Variants in LRRC9 observed in about 807,000 individuals in gnomAD.
The protein encoded by LRRC9 is leucine rich repeat containing 9.
LRRC9 carries 122 observed loss-of-function variants against 63.2 expected under a neutral mutation model. The ratio of observed to expected loss-of-function variants is 1.93; its 90% CI spans 1.67 to 2.24. The LOEUF (loss-of-function observed/expected upper bound fraction) is 2.24. LRRC9 is among the 30% of genes most tolerant of loss of function. LRRC9 has a pLI of 0.00. For missense variants in LRRC9, 1,071 were observed against 627.7 expected (o/e 1.71, Z -7.55); for synonymous variants, 366 against 213.1 (o/e 1.72, Z -6.25).
rs922914721 is a variant in LRRC9 at position 60,051,889 on chromosome 14, G to GAT, written c.3991-1174_3991-1173dup. ...GGGAGAAGCGTGGTTTCCTGGGCAC[G>GAT]ATAGCACACTCACCGCTTCCCTTGG... On this transcript the variant is annotated intron_variant, in intron 29 of 31. Coordinates refer to ENST00000445360, the Ensembl canonical transcript of LRRC9. The surrounding 1 kb of genome is among the most constrained non-coding windows in gnomAD (Gnocchi z 4.7). 2.6e-5 allele frequency among the ~76,000 whole-genome samples: 4 copies of GAT among 152,120 alleles called. No homozygotes were observed. The highest frequency in any genetic ancestry group is 9.7e-5 in the African/African-American group (4 of 41,422).
At chr14:59,954,643 C>T (rs776935257) in intron 8 of LRRC9, among the ~76,000 whole-genome samples, 7 of 152,152 alleles carry the variant, frequency 4.6e-5, no homozygotes, top group Non-Finnish European at 7.3e-5. Flanking sequence ...TATTTGAATA[C>T]ACTTTATTTT....
At chr14:59,928,969 C>T (rs970367365) in intron 3 of LRRC9, among the ~76,000 whole-genome samples, 1 of 151,996 alleles carries the variant, frequency 6.6e-6, no homozygotes, top group African/African-American at 2.4e-5. Flanking sequence ...TATAAAAACC[C>T]TGGAACACCA....
chr14:60,037,540 G>C (rs1379963715), intron 29 of LRRC9, among the ~76,000 whole-genome samples: 1 of 152,154 alleles, frequency 6.6e-6, no homozygotes, highest in African/African-American at 2.4e-5. Flanking sequence ...TTTTTCATGT[G>C]TCTGTTGGCT....
At chr14:59,943,097 A>G (rs77971643) in intron 7 of LRRC9, among the ~76,000 whole-genome samples, 2,171 of 151,488 alleles carry the variant, frequency 0.014, 54 homozygotes, top group East Asian at 0.059. Flanking sequence ...GTTTGCAAAT[A>G]TTTTCTCCCT....
chr14:59,980,582 G>A (rs1282048591), intron 15 of LRRC9, among the ~76,000 whole-genome samples: 1 of 152,108 alleles, frequency 6.6e-6, no homozygotes, highest in African/African-American at 2.4e-5. Context: ...TTAATTTGGT[G>A]TGAACTGACT....
Position 59,958,567 on chromosome 14 carries a change from G to C in LRRC9, c.883-1251G>C, listed in dbSNP as rs916270778. Among the ~76,000 whole-genome samples the C allele has an allele frequency of 6.6e-5, 10 of 152,224 alleles. No homozygotes were observed. The highest frequency in any genetic ancestry group is 2.4e-4 in the African/African-American group (10 of 41,462). ...GGTTCTTAGCTTGCTGGGCTCTGTG[G>C]GAGTGGGACCCGCTGAGCAAGACCA... On this transcript the variant is annotated intron_variant, in intron 8 of 31. Coordinates refer to ENST00000445360, the Ensembl canonical transcript of LRRC9. This position sits in a 1 kb window ranked among gnomAD's most constrained non-coding sequence, Gnocchi z 4.0.
In LRRC9 at chr14:60,032,078, A is replaced by C. The variant is rs1352005045; in HGVS notation, c.3990+15A>C. 1 of 677,874 alleles carries C rather than the reference A, an allele frequency of 1.5e-6. No individual in the cohort carries two copies. The highest frequency in any genetic ancestry group is 2.4e-4 in the Middle Eastern group (1 of 4,208). 42.0% of individuals were successfully genotyped at this position (677,874 alleles called of 1,614,324 possible). A position where few individuals can be genotyped will look rare whatever the true frequency, so the allele number is the denominator to read the frequency against. ...ATGGCAATCCAGTGAGTATGTTACC[A>C]TTCTAATTTATTAGTTAATTTACTG... On this transcript the variant is annotated intron_variant, in intron 29 of 31. Coordinates refer to ENST00000445360, the Ensembl canonical transcript of LRRC9.
rs1887958785 is a variant in LRRC9 at position 59,990,412 on chromosome 14, T to G, written c.2211+5188T>G. The stretch of plus-strand genomic sequence containing the variant: ...CAGACCTTTCTTTTTTCTTTTTCTT[T>G]TTTCATTTTTAGACAGGGTCTCACT... On this transcript the variant is annotated intron_variant, in intron 17 of 31. Transcript: ENST00000445360. The surrounding 1 kb of genome is among the most constrained non-coding windows in gnomAD (Gnocchi z 4.2). Among the ~76,000 whole-genome samples, 1 of 152,136 alleles carries G rather than the reference T, an allele frequency of 6.6e-6. No individual in the cohort carries two copies. The highest frequency in any genetic ancestry group is 1.5e-5 in the Non-Finnish European group (1 of 68,026).
rs144785193 is a variant in LRRC9, at chr14:60,017,015, C to T, written c.3317+225C>T. Among the ~76,000 whole-genome samples, 178 of 151,880 alleles carry T rather than the reference C, an allele frequency of 1.2e-3. No individual in the cohort carries two copies. The highest frequency in any genetic ancestry group is 3.4e-3 in the Middle Eastern group (1 of 294). The stretch of plus-strand genomic sequence containing the variant: ...AACCTTGCAGGCTCAATCGATCCTC[C>T]GACTATAGGCACGCACCACCAAGCA... On this transcript the variant is annotated intron_variant, in intron 24 of 31. Transcript: ENST00000445360. This position sits in a 1 kb window ranked among gnomAD's most constrained non-coding sequence, Gnocchi z 4.0.
At chr14:60,066,583 C>G (rs1190816376), downstream of LRRC9, among the ~76,000 whole-genome samples, 1 of 152,098 alleles carries the variant, frequency 6.6e-6, no homozygotes, top group Non-Finnish European at 1.5e-5. Flanking sequence ...ACTATGTGTT[C>G]ATTTTTCTAC....
intron 1 of LRRC9, among the ~76,000 whole-genome samples, chr14:59,920,744 T>TCTCA (rs1435545668): frequency 6.6e-6 from 1 of 152,208 alleles, no homozygotes; most frequent in Non-Finnish European, 1.5e-5. Flanking sequence ...CCTAACCAAC[T>TCTCA]CTCACGGCAG....
chr14:59,981,066 G>A (rs1255755983), intron 15 of LRRC9, among the ~76,000 whole-genome samples: 3 of 151,890 alleles, frequency 2.0e-5, no homozygotes, highest in Admixed American at 2.0e-4. Context: ...GTTCCAAATT[G>A]ATCCTTCATG....
chr14:59,955,739 C>T (rs1298026802), intron 8 of LRRC9, among the ~76,000 whole-genome samples: 2 of 152,054 alleles, frequency 1.3e-5, no homozygotes, highest in African/African-American at 2.4e-5. Context: ...GTTAGGGTGT[C>T]GATTTTAGAT....
Position 59,990,370 on chromosome 14 carries a change from C to T in LRRC9, c.2211+5146C>T, listed in dbSNP as rs980569137. On this transcript the variant is annotated intron_variant, in intron 17 of 31. Coordinates refer to ENST00000445360, the Ensembl canonical transcript of LRRC9. The surrounding 1 kb of genome is among the most constrained non-coding windows in gnomAD (Gnocchi z 4.2). ...TTAGATTCACAGGGGCTCGACTGCT[C>T]CAGGGACTGCTTTCTTCAGACCTTT... Among the ~76,000 whole-genome samples, 4 of 152,126 alleles carry T rather than the reference C, an allele frequency of 2.6e-5. No homozygotes were observed. The highest frequency in any genetic ancestry group is 4.1e-4 in the South Asian group (2 of 4,832).
At chr14:59,947,153 T>G (rs1244706247) in intron 8 of LRRC9, among the ~76,000 whole-genome samples, 1 of 151,382 alleles carries the variant, frequency 6.6e-6, no homozygotes, top group African/African-American at 2.4e-5. Flanking sequence ...TTTCTCCACA[T>G]CCTCTCCAGC....
Position 59,938,510 on chromosome 14 carries a change from C to A in LRRC9, c.664C>A (p.Pro222Thr), listed in dbSNP as rs570780596. 14 of 696,840 alleles carry A rather than the reference C, an allele frequency of 2.0e-5. No individual in the cohort carries two copies. Among genetic ancestry groups the A allele is most frequent in the African/African-American group, 1.6e-4 (9 of 56,710 alleles). The allele number at this position is 696,840 out of a possible 1,614,324, so 43.2% of individuals were successfully genotyped here. A position where few individuals can be genotyped will look rare whatever the true frequency, so the allele number is the denominator to read the frequency against. ...TTCCACACATGTATTATATCATTTG[C>A]CTTGCCTTCAAAGATTTGACACATT... is the stretch of plus-strand genomic sequence containing the variant. Residue 222 changes from proline to threonine, a missense_variant, in exon 7 of 32, where the codon CCT becomes ACT. By Grantham distance (38) the Pro-to-Thr change is conservative (BLOSUM62 -1). Coordinates refer to ENST00000445360, the Ensembl canonical transcript of LRRC9. The surrounding 1 kb of genome is among the most constrained non-coding windows in gnomAD (Gnocchi z 4.2).
chr14:59,939,490 A>AG (rs999730169), intron 7 of LRRC9, among the ~76,000 whole-genome samples: 9 of 151,980 alleles, frequency 5.9e-5, no homozygotes, highest in African/African-American at 1.9e-4. Flanking sequence ...AGAGAGTTAG[A>AG]GGGGGAAAGT....
chr14:59,970,071 G>GC (rs1885308527), intron 12 of LRRC9, among the ~76,000 whole-genome samples: 1 of 152,080 alleles, frequency 6.6e-6, no homozygotes. Flanking sequence ...CAGGTATTAA[G>GC]CCTAGTACCC....
rs958896696 is a variant in LRRC9 at position 60,004,992 on chromosome 14, G to A, written c.2842+1194G>A. On this transcript the variant is annotated intron_variant, in intron 21 of 31. Coordinates refer to ENST00000445360, the Ensembl canonical transcript of LRRC9. The surrounding 1 kb of genome is among the most constrained non-coding windows in gnomAD (Gnocchi z 4.8). ...AGGGAAGGTAAGAATTAGAAATCAC[G>A]GCTGGGAAACAGAATTTACATTTTA... Among the ~76,000 whole-genome samples, 7 of 151,928 alleles carry A rather than the reference G, an allele frequency of 4.6e-5. No individual in the cohort carries two copies. The highest frequency in any genetic ancestry group is 2.1e-4 in the South Asian group (1 of 4,818).
Sources: gnomAD v4.1 joint callset for allele counts (sites outside exome capture counted in the v4.1 genomes callset) on GRCh38, gnomAD v4.1.1 for gene constraint, Gnocchi (gnomAD v3.1) non-coding constraint, MANE v1.5 for transcripts, NCBI Gene and HGNC (gene_info 2026-07-23, HGNC 2026-07-21) for gene names.